The following DMXL1 variants were observed in gnomAD, a reference collection of about 807,000 sequenced individuals.
DMXL1 encodes dmX-like protein 1.
A neutral mutation model predicts 319.2 loss-of-function variants in DMXL1; 99 were observed. That is an observed-to-expected ratio of 0.31 (90% CI 0.26 to 0.37). The LOEUF (loss-of-function observed/expected upper bound fraction) is 0.37. Ranked by LOEUF, DMXL1 falls within the 10% of genes least tolerant of loss-of-function variation. The pLI is 1.00. For synonymous variants in DMXL1, 1,385 were observed against 1,235.2 expected (o/e 1.12, Z -2.54); for missense variants, 3,745 against 3,595.6 (o/e 1.04, Z -1.06).
intron 1 of DMXL1, among the ~76,000 whole-genome samples, chr5:119,079,605 T>G (rs1751743920): frequency 6.6e-6 from 1 of 152,230 alleles, no homozygotes; most frequent in Non-Finnish European, 1.5e-5. Flanking sequence ...TTTTTTCTCC[T>G]TAGTCACTGG....
At chr5:119,173,204 G>A (rs1205899813) in intron 25 of DMXL1, among the ~76,000 whole-genome samples, 1 of 152,020 alleles carries the variant, frequency 6.6e-6, no homozygotes, top group Non-Finnish European at 1.5e-5. Flanking sequence ...GCCAGGCGTA[G>A]TGGCACATGC....
At chr5:119,097,424 A>G (rs1193851883) in intron 1 of DMXL1, among the ~76,000 whole-genome samples, 3 of 152,198 alleles carry the variant, frequency 2.0e-5, no homozygotes, top group African/African-American at 7.2e-5. Context: ...TTCACTGGAG[A>G]TGAAAAAAGT....
chr5:119,223,597 T>G (rs984756148), intron 37 of DMXL1, among the ~76,000 whole-genome samples: 2 of 152,204 alleles, frequency 1.3e-5, no homozygotes, highest in Non-Finnish European at 2.9e-5. Flanking sequence ...AACTGTGATT[T>G]GTTAACATGA....
At chr5:119,203,221 A>G (rs1445570560) in intron 32 of DMXL1, 98 bp from the exon 33 acceptor site, 2 of 730,718 alleles carry the variant, frequency 2.7e-6, no homozygotes, top group Non-Finnish European at 4.5e-6. Context: ...GTCTGATTGC[A>G]GTTAATTTAT....
chr5:119,139,960 T>G lies in DMXL1; in HGVS notation c.2377-3881T>G, dbSNP rs149153545. On this transcript the variant is annotated intron_variant, in intron 13 of 43. Coordinates refer to ENST00000539542, the MANE Select transcript of DMXL1 (RefSeq NM_001290321.3). ...AGTGCAATAAAAATAGAAGTCAGGA[T>G]TTAAAAAATAGCTTAAACCAGTCAA... Among the ~76,000 whole-genome samples the G allele has an allele frequency of 2.7e-3, 418 of 152,192 alleles. 2 individuals are homozygous for G. Among genetic ancestry groups the G allele is most frequent in the African/African-American group, 9.3e-3 (386 of 41,534 alleles).
chr5:119,130,589 C>T (rs1365541487), intron 10 of DMXL1, among the ~76,000 whole-genome samples: 4 of 152,112 alleles, frequency 2.6e-5, no homozygotes, highest in Non-Finnish European at 4.4e-5. Context: ...GTGATCCATC[C>T]ACCTGGGCCT....
chr5:119,212,418 A>G (rs575728386), intron 34 of DMXL1, among the ~76,000 whole-genome samples: 2 of 152,344 alleles, frequency 1.3e-5, no homozygotes, highest in East Asian at 1.9e-4. Flanking sequence ...ATAGTATTCT[A>G]ATGTATGTTC....
rs1453662726 is a variant in DMXL1 at position 119,150,492 on chromosome 5, T to C, written c.4594+71T>C. On this transcript the variant is annotated intron_variant, in intron 18 of 43. Transcript: ENST00000539542. Reference sequence around the variant, plus strand: ...GAAAATAATTTTAAATAATTTTTATTAAAATGATGCCATTGGCTAGGCACA... The same window carrying C: ...GAAAATAATTTTAAATAATTTTTATCAAAATGATGCCATTGGCTAGGCACA... The C allele has an allele frequency of 4.1e-6, 6 of 1,469,924 alleles. No homozygotes were observed. In the Admixed American group the frequency reaches 1.4e-4, roughly 34 times the overall value. The allele number at this position is 1,469,924 out of a possible 1,614,324, so 91.1% of individuals were successfully genotyped here. A position where few individuals can be genotyped will look rare whatever the true frequency, so the allele number is the denominator to read the frequency against.
intron 24 of DMXL1, 92 bp from the exon 25 acceptor site, chr5:119,171,686 T>G: frequency 1.0e-6 from 1 of 983,984 alleles, no homozygotes; most frequent in South Asian, 2.1e-5. Context: ...TTTTAATTGT[T>G]TTGAAGTGTT....
intron 25 of DMXL1, among the ~76,000 whole-genome samples, chr5:119,174,007 G>A (rs1387580868): frequency 6.6e-6 from 1 of 151,468 alleles, no homozygotes; most frequent in African/African-American, 2.4e-5. Context: ...TGATGTTTTA[G>A]TTCAAGTCTG....
Position 119,245,414 on chromosome 5 carries a change from A to T in DMXL1, c.8922+838A>T, listed in dbSNP as rs376009727. Reference sequence around the variant, plus strand: ...ACCAGGAAAAGACTAGAATTATGGAATTTTTAAAAGCCTTTTTCTTAAAAT... The same window carrying T: ...ACCAGGAAAAGACTAGAATTATGGATTTTTTAAAAGCCTTTTTCTTAAAAT... On this transcript the variant is annotated intron_variant, in intron 43 of 43. Coordinates refer to ENST00000539542, the MANE Select transcript of DMXL1 (RefSeq NM_001290321.3). 1.6e-3 allele frequency among the ~76,000 whole-genome samples: 247 copies of T among 152,308 alleles called. 2 individuals carry two copies. The highest frequency in any genetic ancestry group is 5.8e-3 in the African/African-American group (241 of 41,560).
chr5:119,089,999 C>CTTTTTTTTTTTTTTTTTTTT lies in DMXL1; in HGVS notation c.88-7961_88-7942dup, dbSNP rs70982467. On this transcript the variant is annotated intron_variant, in intron 1 of 43. Transcript: ENST00000539542. ...TGATTATTTTATGCTTCGGGTTAGTCTTTTTTTTTTTTTTTTTTTTTTTTT... is the reference window on the plus strand; with the variant it reads ...TGATTATTTTATGCTTCGGGTTAGTCTTTTTTTTTTTTTTTTTTTTTTTTTTTTTTTTTTTTTTTTTTTTT... 2.9e-4 allele frequency among the ~76,000 whole-genome samples: 10 copies of CTTTTTTTTTTTTTTTTTTTT among 34,400 alleles called. 2 individuals carry two copies. Among genetic ancestry groups the CTTTTTTTTTTTTTTTTTTTT allele is most frequent in the Admixed American group, 4.6e-4 (1 of 2,188 alleles). 22.6% of individuals were successfully genotyped at this position (34,400 alleles called of 152,430 possible). A position where few individuals can be genotyped will look rare whatever the true frequency, so the allele number is the denominator to read the frequency against.
In DMXL1 at chr5:119,239,074, A is replaced by C; in HGVS notation, c.8645A>C (p.Asp2882Ala). 6.2e-7 allele frequency: 1 copy of C among 1,613,676 alleles called. No homozygotes were observed. The highest frequency in any genetic ancestry group is 8.5e-7 in the Non-Finnish European group (1 of 1,179,876). Residue 2882 changes from aspartate to alanine, a missense_variant, in exon 41 of 44, where the codon GAC (aspartate) becomes GCC (alanine). Physicochemically the swap from Asp to Ala is moderately radical, Grantham distance 126 (BLOSUM62 -2). Transcript: ENST00000539542. ...SLIATAGLST[D>A]NRNVCLWDTL... ...ATAGCTACAGCTGGTCTTTCAACTG[A>C]CAATAGGTAAGAGATGATAGCTAAA... is the stretch of plus-strand genomic sequence containing the variant.
At chr5:119,212,562 C>G (rs770432394) in intron 34 of DMXL1, among the ~76,000 whole-genome samples, 5 of 151,998 alleles carry the variant, frequency 3.3e-5, no homozygotes, top group Admixed American at 1.3e-4. Context: ...GGGGTATATA[C>G]AGAAGTGGAA....
rs576127608 is a variant in DMXL1 at position 119,206,228 on chromosome 5, G to GT, written c.7864-597dup. ...ATCATTGTTCCCAATTCCTTTTTCTGTTTTTTTTTGTTTTGTTTTGTTTGA... is the reference window on the plus strand; with the variant it reads ...ATCATTGTTCCCAATTCCTTTTTCTGTTTTTTTTTTGTTTTGTTTTGTTTGA... On this transcript the variant is annotated intron_variant, in intron 33 of 43. Transcript: ENST00000539542. Among the ~76,000 whole-genome samples the GT allele has an allele frequency of 7.4e-3, 1,114 of 150,594 alleles. 4 individuals are homozygous for GT. Among genetic ancestry groups the GT allele is most frequent in the Non-Finnish European group, 8.6e-3 (582 of 67,440 alleles).
At chr5:119,147,622 C>A (rs915625820) in intron 17 of DMXL1, 152 bp downstream of exon 17, 1 of 541,558 alleles carries the variant, frequency 1.8e-6, no homozygotes, top group Non-Finnish European at 3.3e-6. Flanking sequence ...ACTTATAGTT[C>A]TCATTATGTT....
intron 28 of DMXL1, among the ~76,000 whole-genome samples, chr5:119,184,808 T>G (rs563078958): frequency 6.6e-6 from 1 of 152,308 alleles, no homozygotes; most frequent in East Asian, 1.9e-4. Flanking sequence ...CGACAGAATT[T>G]CCTTCCTTTT....
At chr5:119,206,779 G>A in intron 33 of DMXL1, 55 bp from the exon 34 acceptor site, 2 of 1,055,540 alleles carry the variant, frequency 1.9e-6, no homozygotes, top group East Asian at 2.7e-5. Flanking sequence ...CCAGTATTTT[G>A]CATGTTACAT....
chr5:119,158,332 C>G (rs1771548843), intron 19 of DMXL1, among the ~76,000 whole-genome samples: 1 of 150,600 alleles, frequency 6.6e-6, no homozygotes, highest in Non-Finnish European at 1.5e-5. Flanking sequence ...ATTTTGTATC[C>G]TTCATGTTTA....
Sources: gnomAD v4.1 joint callset for allele counts (sites outside exome capture counted in the v4.1 genomes callset) on GRCh38, gnomAD v4.1.1 for gene constraint, MANE v1.5 for transcripts, NCBI Gene and HGNC (gene_info 2026-07-23, HGNC 2026-07-21) for gene names.